SLC25A21: variants seen among roughly 807,000 people sequenced by gnomAD.
The protein encoded by SLC25A21 is mitochondrial 2-oxodicarboxylate carrier.
Under a neutral mutation model 43.8 loss-of-function variants are expected in SLC25A21, and 47 were observed. That is an observed-to-expected ratio of 1.07 (90% CI 0.85 to 1.37). SLC25A21 has a LOEUF of 1.37. Ranked by LOEUF, SLC25A21 falls within the 40% of genes most tolerant of loss-of-function variation. SLC25A21 has a pLI of 0.00. For synonymous variants in SLC25A21, 131 were observed against 121.3 expected (o/e 1.08, Z -0.52); for missense variants, 352 against 350.2 (o/e 1.00, Z -0.04).
chr14:36,680,070 TA>T lies in SLC25A21; in HGVS notation c.*587del, dbSNP rs570707248. ...ATAGAGCTGATATGTGCATAGTTAC[TA>T]AAAAAAACCAACAGATTTACATTTT... is the stretch of plus-strand genomic sequence containing the variant. On this transcript the variant is annotated 3_prime_UTR_variant, in exon 10 of 10. Transcript: ENST00000331299. 4.3e-5 allele frequency: 37 copies of T among 870,332 alleles called. No homozygotes were observed. Among genetic ancestry groups the T allele is most frequent in the African/African-American group, 4.2e-4 (23 of 54,552 alleles). The allele number at this position is 870,332 out of a possible 1,614,324, so 53.9% of individuals were successfully genotyped here.
intron 1 of SLC25A21, among the ~76,000 whole-genome samples, chr14:36,990,053 C>T (rs959891852): frequency 2.2e-4 from 33 of 152,154 alleles, no homozygotes; most frequent in African/African-American, 6.8e-4. Context: ...AAGGATGCTG[C>T]GCTGAATGCA....
intron 1 of SLC25A21, among the ~76,000 whole-genome samples, chr14:37,005,077 G>A (rs940158826): frequency 6.6e-6 from 1 of 151,788 alleles, no homozygotes; most frequent in Non-Finnish European, 1.5e-5. Flanking sequence ...TGTACTCACC[G>A]GAATAATCGA....
At chr14:36,916,793 G>C (rs975672666) in intron 1 of SLC25A21, among the ~76,000 whole-genome samples, 1 of 151,926 alleles carries the variant, frequency 6.6e-6, no homozygotes, top group African/African-American at 2.4e-5. Flanking sequence ...TTTCCCCCTG[G>C]ACAGCTCCAC....
At chr14:36,688,883 A>AT (rs1370986488) in intron 7 of SLC25A21, among the ~76,000 whole-genome samples, 3 of 152,192 alleles carry the variant, frequency 2.0e-5, no homozygotes, top group Non-Finnish European at 4.4e-5. Flanking sequence ...ATAAGAAGGG[A>AT]TTTTTTGTTA....
chr14:36,915,713 T>C (rs572467372), intron 1 of SLC25A21, among the ~76,000 whole-genome samples: 108 of 152,266 alleles, frequency 7.1e-4, no homozygotes, highest in Non-Finnish European at 9.9e-4. Context: ...TTTCAGGCAA[T>C]AGATTTGCTG....
intron 3 of SLC25A21, among the ~76,000 whole-genome samples, chr14:36,811,524 A>C (rs1888267250): frequency 6.6e-6 from 1 of 152,030 alleles, no homozygotes; most frequent in African/African-American, 2.4e-5. Context: ...GGTGGTGGGC[A>C]CCTGTAATCC....
intron 1 of SLC25A21, among the ~76,000 whole-genome samples, chr14:37,008,058 G>C (rs1960647409): frequency 6.6e-6 from 1 of 151,962 alleles, no homozygotes; most frequent in Non-Finnish European, 1.5e-5. Context: ...ATTTTCAGTA[G>C]AGACAGGGTT....
chr14:37,042,831 C>A (rs1961503805), intron 1 of SLC25A21, among the ~76,000 whole-genome samples: 1 of 152,216 alleles, frequency 6.6e-6, no homozygotes, highest in Admixed American at 6.5e-5. Context: ...ATTCAATTTT[C>A]TCCTAACATA....
At chr14:36,957,824 G>T (rs763505107) in intron 1 of SLC25A21, among the ~76,000 whole-genome samples, 3 of 152,164 alleles carry the variant, frequency 2.0e-5, no homozygotes, top group African/African-American at 4.8e-5. Context: ...TGGCCAGGTC[G>T]TGAAAATAGT....
At chr14:36,973,019 A>ATTTATTTTATTTTAT (rs36001814) in intron 1 of SLC25A21, among the ~76,000 whole-genome samples, 5 of 128,898 alleles carry the variant, frequency 3.9e-5, no homozygotes, top group African/African-American at 2.0e-4. Context: ...TTATTTATTT[A>ATTTATTTTATTTTAT]TTTATTTTAT....
chr14:36,770,243 T>G lies in SLC25A21; in HGVS notation c.204-35670A>C, dbSNP rs540065476. ...GCAACATGGATGCAGCTGGAGGTCA[T>G]CATCCTAGGCAAATTAACACAGGAA... On this transcript the variant is annotated intron_variant, in intron 3 of 9. Transcript: ENST00000331299. Among the ~76,000 whole-genome samples, 3 of 152,268 alleles carry G rather than the reference T, an allele frequency of 2.0e-5. 1 individual carries two copies. Among genetic ancestry groups the G allele is most frequent in the African/African-American group, 7.2e-5 (3 of 41,540 alleles).
chr14:36,701,835 C>T (rs967479326), intron 7 of SLC25A21, among the ~76,000 whole-genome samples: 5 of 152,114 alleles, frequency 3.3e-5, no homozygotes, highest in African/African-American at 1.2e-4. Flanking sequence ...TGTTCCTTGA[C>T]TCAATAAAGG....
At chr14:36,993,091 G>A (rs907100031) in intron 1 of SLC25A21, among the ~76,000 whole-genome samples, 1 of 152,096 alleles carries the variant, frequency 6.6e-6, no homozygotes, top group Non-Finnish European at 1.5e-5. Flanking sequence ...TTGCTTTTAC[G>A]TTTTTCTGTT....
intron 3 of SLC25A21, among the ~76,000 whole-genome samples, chr14:36,792,571 T>A (rs1197603549): frequency 6.6e-6 from 1 of 152,142 alleles, no homozygotes; most frequent in Non-Finnish European, 1.5e-5. Context: ...ATGTCCAAAG[T>A]GCAGGCAACT....
chr14:36,678,596 T>C lies in SLC25A21; in HGVS notation c.*2062A>G, dbSNP rs991390986. On this transcript the variant is annotated 3_prime_UTR_variant, in exon 10 of 10. Transcript: ENST00000331299. ...GGGACTCTCCTGTCATCTGAAAAAC[T>C]GATGTAAGGTACAGAACTATTCTTT... The C allele has an allele frequency of 4.6e-6, 7 of 1,507,096 alleles. No homozygotes were observed. Among genetic ancestry groups the C allele is most frequent in the Middle Eastern group, 1.7e-4 (1 of 5,790 alleles). 93.4% of individuals were successfully genotyped at this position (1,507,096 alleles called of 1,614,324 possible).
intron 2 of SLC25A21, among the ~76,000 whole-genome samples, chr14:36,858,987 G>A (rs1348143617): frequency 6.6e-6 from 1 of 152,134 alleles, no homozygotes; most frequent in Non-Finnish European, 1.5e-5. Context: ...TGATCCAAAA[G>A]TTATTCCAAG....
At chr14:37,071,810 A>G (rs1962179019) in intron 1 of SLC25A21, among the ~76,000 whole-genome samples, 1 of 152,206 alleles carries the variant, frequency 6.6e-6, no homozygotes, top group African/African-American at 2.4e-5. Context: ...CATCATTTGC[A>G]TGTGCTGCTG....
At chr14:37,042,621 GA>G (rs1484361547) in intron 1 of SLC25A21, among the ~76,000 whole-genome samples, 1 of 152,124 alleles carries the variant, frequency 6.6e-6, no homozygotes, top group Non-Finnish European at 1.5e-5. Context: ...AATTGTATTA[GA>G]AAAGCATTCT....
intron 1 of SLC25A21, among the ~76,000 whole-genome samples, chr14:37,035,322 C>A (rs1193975727): frequency 6.6e-6 from 1 of 152,208 alleles, no homozygotes; most frequent in Admixed American, 6.5e-5. Context: ...GCCGAAAACA[C>A]TGGAACACAT....
Sources: gnomAD v4.1 joint callset for allele counts (sites outside exome capture counted in the v4.1 genomes callset) on GRCh38, gnomAD v4.1.1 for gene constraint, MANE v1.5 for transcripts, NCBI Gene and HGNC (gene_info 2026-07-23, HGNC 2026-07-21) for gene names.